INO80E: variants seen among roughly 807,000 people sequenced by gnomAD.
INO80E encodes the protein INO80 complex subunit E.
A neutral mutation model predicts 27.3 loss-of-function variants in INO80E; 20 were observed. The observed-to-expected ratio is 0.73, with a 90% CI of 0.51 to 1.06. The LOEUF (loss-of-function observed/expected upper bound fraction) is 1.06. Ranked by LOEUF, INO80E falls within the 50% of genes least tolerant of loss-of-function variation. The probability of loss-of-function intolerance (pLI) is 0.00; values close to 1 mark genes in which losing one functional copy is unlikely to be tolerated. For missense variants in INO80E, 357 were observed against 322.8 expected, an observed-to-expected ratio of 1.11 and a Z score of -0.81; for synonymous variants, 167 against 145.9, an observed-to-expected ratio of 1.14 and a Z score of -1.04.
intron 3 of INO80E, among the ~76,000 whole-genome samples, chr16:30,000,180 G>A (rs775890346): frequency 8.5e-5 from 13 of 152,124 alleles, no homozygotes; most frequent in Non-Finnish European, 1.6e-4. Context: ...GACAAGGAGA[G>A]GTGGTGAGTG....
At chr16:29,999,524 G>T (rs2070268420) in intron 3 of INO80E, 1 of 152,270 alleles carries the variant, frequency 6.6e-6, no homozygotes, top group Non-Finnish European at 1.5e-5. Context: ...GAGGGATTCT[G>T]GAAGACTTCA....
intron 6 of INO80E, 133 bp downstream of exon 6, chr16:30,001,663 G>C: frequency 1.3e-6 from 1 of 795,238 alleles, no homozygotes; most frequent in Non-Finnish European, 2.0e-6. Flanking sequence ...TTAGCACTGA[G>C]GGGTGGATCA....
rs749965250 is a variant in INO80E, at chr16:29,996,388, C to G, written c.78C>G (p.Ile26Met). The G allele has an allele frequency of 7.6e-6, 12 of 1,588,938 alleles. No homozygotes were observed. In the Admixed American group the frequency reaches 1.4e-4, roughly 19 times the overall value. Residue 26 changes from isoleucine (I) to methionine (M), a missense_variant, in exon 1 of 7, where the codon ATC becomes ATG. Coordinates refer to ENST00000563197, the MANE Select transcript of INO80E (RefSeq NM_173618.3). ...RNLKRKLKFL[I>M]YEHECFQEEL... ...TGAAGCGGAAGCTCAAGTTCCTCAT[C>G]TACGTGAGTGCTGCCGCGGGAAGGC...
intron 5 of INO80E, 143 bp from the exon 6 acceptor site, chr16:30,001,263 TGCTGCCCG>T: frequency 1.3e-6 from 2 of 1,490,174 alleles, no homozygotes; most frequent in Non-Finnish European, 1.8e-6. Context: ...AGCATCCTGC[TGCTGCCCG>T]GCCCTTCTGT....
At position 30,005,619 on chromosome 16, in the gene INO80E, C is replaced by T. The variant is rs111261004; in HGVS notation, c.*177C>T. On this transcript the variant is annotated 3_prime_UTR_variant, in exon 7 of 7. Transcript: ENST00000563197. Reference sequence around the variant, plus strand: ...TGTCCCCCAGGAGGGTGGCAGGGGCCCTGCCTTCAAACCCCGGCCCCCTCC... The same window carrying T: ...TGTCCCCCAGGAGGGTGGCAGGGGCTCTGCCTTCAAACCCCGGCCCCCTCC... 1.5e-6 allele frequency: 1 copy of T among 655,198 alleles called. No homozygotes were observed. Among genetic ancestry groups the T allele is most frequent in the Non-Finnish European group, 2.6e-6 (1 of 385,406 alleles). 40.6% of individuals were successfully genotyped at this position (655,198 alleles called of 1,614,324 possible). A position where few individuals can be genotyped will look rare whatever the true frequency, so the allele number is the denominator to read the frequency against.
intron 5 of INO80E, 125 bp downstream of exon 5, chr16:30,001,165 T>TC: frequency 6.8e-7 from 1 of 1,472,294 alleles, no homozygotes; most frequent in Non-Finnish European, 9.0e-7. Flanking sequence ...GGCCCAAGTG[T>TC]CCCGTGGAGG....
intron 3 of INO80E, among the ~76,000 whole-genome samples, chr16:30,000,340 A>C (rs1365186540): frequency 6.6e-6 from 1 of 152,082 alleles, no homozygotes; most frequent in Non-Finnish European, 1.5e-5. Context: ...CTGGTGAGTC[A>C]GATTCCCCCG....
At chr16:30,000,092 A>T (rs2070290381) in intron 3 of INO80E, among the ~76,000 whole-genome samples, 1 of 152,154 alleles carries the variant, frequency 6.6e-6, no homozygotes, top group African/African-American at 2.4e-5. Context: ...TCTTAGCCTC[A>T]CACCTTACTT....
At chr16:29,997,801 G>A (rs1417456898) in intron 3 of INO80E, among the ~76,000 whole-genome samples, 2 of 150,368 alleles carry the variant, frequency 1.3e-5, no homozygotes, top group African/African-American at 4.9e-5. Flanking sequence ...CACACAAGCA[G>A]GCAGCAGGCA....
rs779184151 is a variant in INO80E, at chr16:29,996,868, A to G, written c.205+8A>G. The G allele has an allele frequency of 1.2e-6, 2 of 1,613,766 alleles. No homozygotes were observed. The highest frequency in any genetic ancestry group is 2.2e-5 in the East Asian group (1 of 44,904). On this transcript the variant is annotated splice_region_variant and intron_variant, in intron 3 of 6. Coordinates refer to ENST00000563197, the MANE Select transcript of INO80E (RefSeq NM_173618.3). ...TGGATGAAGACTCTTCGGGTGAGCA[A>G]GGTCTTCAAAAATTGGTGGAGAGCA...
chr16:30,003,507 A>C lies in INO80E; in HGVS notation c.514-1714A>C, dbSNP rs879868637. On this transcript the variant is annotated intron_variant, in intron 6 of 6. Coordinates refer to ENST00000563197, the MANE Select transcript of INO80E (RefSeq NM_173618.3). This position sits in a 1 kb window ranked among gnomAD's most constrained non-coding sequence, Gnocchi z 4.4. ...AAGGGAGTCCAAGCAGAGGAAGGATAGCTGTGAAGACAGAAGCAGGTTGGT... is the reference window on the plus strand; with the variant it reads ...AAGGGAGTCCAAGCAGAGGAAGGATCGCTGTGAAGACAGAAGCAGGTTGGT... The C allele has an allele frequency of 6.6e-6, 1 of 152,160 alleles. No individual in the cohort carries two copies. The highest frequency in any genetic ancestry group is 1.5e-5 in the Non-Finnish European group (1 of 68,048). 9.4% of individuals were successfully genotyped at this position (152,160 alleles called of 1,614,324 possible).
chr16:30,001,297 G>GAGCC, intron 5 of INO80E, 117 bp from the exon 6 acceptor site: 2 of 1,497,962 alleles, frequency 1.3e-6, no homozygotes, highest in Middle Eastern at 1.7e-4. Context: ...GGAGCCCCGG[G>GAGCC]AGCCGCACTC....
Position 30,005,455 on chromosome 16 carries a change from G to C in INO80E, c.*13G>C. On this transcript the variant is annotated 3_prime_UTR_variant, in exon 7 of 7. Transcript: ENST00000563197. ...CATCCCGGAGTGACCGTGACATCAC[G>C]CCATGCCCACCACGGCCCCGCCCGG... is the stretch of plus-strand genomic sequence containing the variant. The C allele has an allele frequency of 6.3e-7, 1 of 1,586,822 alleles. No individual in the cohort carries two copies. The highest frequency in any genetic ancestry group is 8.6e-7 in the Non-Finnish European group (1 of 1,167,310).
At position 30,005,436 on chromosome 16, in the gene INO80E, G is replaced by A. The variant is rs200708746; in HGVS notation, c.729G>A (p.Pro243=). Residue 243 remains proline (P), a synonymous_variant, in exon 7 of 7, where the codon CCG becomes CCA. Transcript: ENST00000563197. ...ACGATGACCTGGTGATCGACATCCC[G>A]GAGTGACCGTGACATCACGCCATGC... ...DGDDDLVIDI[P]E 323 of 1,597,050 alleles carry A rather than the reference G, an allele frequency of 2.0e-4. 5 individuals are homozygous for A. The South Asian group carries it at 2.7e-3, about 13-fold the overall frequency.
chr16:30,001,258 C>A, intron 5 of INO80E, 156 bp from the exon 6 acceptor site: 2 of 1,490,702 alleles, frequency 1.3e-6, no homozygotes, highest in East Asian at 2.5e-5. Context: ...AGGACAGCAT[C>A]CTGCTGCTGC....
chr16:30,004,469 C>G (rs933433519), intron 6 of INO80E: 11 of 152,900 alleles, frequency 7.2e-5, no homozygotes, highest in African/African-American at 2.7e-4. Context: ...ACAAATAGAG[C>G]AGGATGCCCA....
At chr16:29,996,683 C>A in intron 2 of INO80E, 66 bp downstream of exon 2, 2 of 1,585,030 alleles carry the variant, frequency 1.3e-6, no homozygotes, top group Admixed American at 1.8e-5. Flanking sequence ...GACCCCATCC[C>A]CGAGTAGGGC....
At position 30,001,181 on chromosome 16, in the gene INO80E, AGTCGGGGCTGCC is replaced by A; in HGVS notation, c.396+142_396+153del. On this transcript the variant is annotated intron_variant, in intron 5 of 6. Coordinates refer to ENST00000563197, the MANE Select transcript of INO80E (RefSeq NM_173618.3). Reference sequence around the variant, plus strand: ...GCCCAAGTGTCCCGTGGAGGGTGTGAGTCGGGGCTGCCCCCTTCTCTCTGGTATAGGAACGGG... The same window carrying A: ...GCCCAAGTGTCCCGTGGAGGGTGTGACCCTTCTCTCTGGTATAGGAACGGG... 2.0e-6 allele frequency: 3 copies of A among 1,473,038 alleles called. No homozygotes were observed. The South Asian group carries it at 4.2e-5, about 21-fold the overall frequency. The allele number at this position is 1,473,038 out of a possible 1,614,324, so 91.2% of individuals were successfully genotyped here.
Position 29,996,386 on chromosome 16 carries a change from A to G in INO80E, c.76A>G (p.Ile26Val). 3 of 1,590,110 alleles carry G rather than the reference A, an allele frequency of 1.9e-6. No individual in the cohort carries two copies. In the East Asian group the frequency reaches 6.8e-5, roughly 36 times the overall value. The change falls in exon 1 of 7, where the codon ATC (isoleucine) becomes GTC (valine). Residue 26 changes from isoleucine (I) to valine (V), a missense_variant. Coordinates refer to ENST00000563197, the MANE Select transcript of INO80E (RefSeq NM_173618.3). ...TCTGAAGCGGAAGCTCAAGTTCCTCATCTACGTGAGTGCTGCCGCGGGAAG... is the reference window on the plus strand; with the variant it reads ...TCTGAAGCGGAAGCTCAAGTTCCTCGTCTACGTGAGTGCTGCCGCGGGAAG... ...RNLKRKLKFLIYEHECFQEEL... is the reference protein window; with the variant it reads ...RNLKRKLKFLVYEHECFQEEL...
Sources: allele counts gnomAD v4.1 joint callset (sites outside exome capture counted in the v4.1 genomes callset), GRCh38; gene constraint gnomAD v4.1.1; non-coding constraint Gnocchi (gnomAD v3.1); transcripts MANE v1.5; gene names NCBI Gene and HGNC (gene_info 2026-07-23, HGNC 2026-07-21).